The following FMN2 variants were observed in gnomAD, a reference collection of about 807,000 sequenced individuals.
The protein encoded by FMN2 is formin 2, also known as formin-2.
FMN2 carries 51 observed loss-of-function variants against 142.3 expected under a neutral mutation model. That is an observed-to-expected ratio of 0.36 (90% confidence interval 0.29 to 0.45). The LOEUF is 0.45. Ranked by LOEUF, FMN2 falls within the 20% of genes least tolerant of loss-of-function variation. The probability of loss-of-function intolerance (pLI) is 1.00; values close to 1 mark genes in which losing one functional copy is unlikely to be tolerated. For synonymous variants in FMN2, 882 were observed against 869.8 expected (o/e 1.01, Z -0.25); for missense variants, 1,936 against 2,122.8 (o/e 0.91, Z 1.73).
At chr1:240,172,977 C>T (rs1664769404) in intron 2 of FMN2, among the ~76,000 whole-genome samples, 1 of 151,540 alleles carries the variant, frequency 6.6e-6, no homozygotes, top group African/African-American at 2.4e-5. Flanking sequence ...GCTCTGTCGT[C>T]CAGGCTGGAG....
intron 6 of FMN2, among the ~76,000 whole-genome samples, chr1:240,237,010 A>G (rs1204974645): frequency 6.6e-6 from 1 of 152,228 alleles, no homozygotes; most frequent in Non-Finnish European, 1.5e-5. Context: ...AGCAAAGTCA[A>G]TATTGCTTCC....
At chr1:240,390,852 G>A (rs547101400) in intron 14 of FMN2, among the ~76,000 whole-genome samples, 2 of 152,160 alleles carry the variant, frequency 1.3e-5, no homozygotes, top group African/African-American at 2.4e-5. Context: ...TTCTAAAATA[G>A]TCTAGAAATT....
chr1:240,468,666 A>G (rs904843072), intron 16 of FMN2, among the ~76,000 whole-genome samples: 1 of 152,176 alleles, frequency 6.6e-6, no homozygotes, highest in African/African-American at 2.4e-5. Flanking sequence ...TTGTGACATG[A>G]CCATCTTTTT....
At chr1:240,464,184 T>G (rs1239532715) in intron 16 of FMN2, among the ~76,000 whole-genome samples, 1 of 152,066 alleles carries the variant, frequency 6.6e-6, no homozygotes, top group African/African-American at 2.4e-5. Flanking sequence ...TGTGTACAAT[T>G]TATTTGTTTT....
chr1:240,462,114 C>T (rs1390783294), intron 16 of FMN2, among the ~76,000 whole-genome samples: 1 of 152,164 alleles, frequency 6.6e-6, no homozygotes, highest in Non-Finnish European at 1.5e-5. Context: ...ATTGTAAATT[C>T]ATCTAGGTAT....
intron 2 of FMN2, chr1:240,170,266 C>G: frequency 8.4e-7 from 1 of 1,192,324 alleles, no homozygotes; most frequent in Non-Finnish European, 1.2e-6. Flanking sequence ...CCTAAAGGCT[C>G]GTGAAGTTTG....
chr1:240,321,778 C>A (rs540289246), intron 8 of FMN2, among the ~76,000 whole-genome samples: 4 of 152,222 alleles, frequency 2.6e-5, no homozygotes, highest in African/African-American at 7.2e-5. Flanking sequence ...ATAAACAGAA[C>A]TTCAAAAATG....
intron 8 of FMN2, among the ~76,000 whole-genome samples, chr1:240,316,317 T>C (rs1044744264): frequency 2.6e-5 from 4 of 152,120 alleles, no homozygotes; most frequent in Non-Finnish European, 2.9e-5. Flanking sequence ...TAAATGTTGG[T>C]CAATAATATG....
rs939835494 is a variant in FMN2 at position 240,116,212 on chromosome 1, A to C, written c.1616-6967A>C. On this transcript the variant is annotated intron_variant, in intron 1 of 17. Transcript: ENST00000319653. ...GTATCTCAGGAAAGCAGTCTTGTGG[A>C]GCTCCGCTCTGTCTTCAGAGGCTTC... Among the ~76,000 whole-genome samples, 27 of 152,232 alleles carry C rather than the reference A, an allele frequency of 1.8e-4. 1 individual carries two copies. Among genetic ancestry groups the C allele is most frequent in the Admixed American group, 1.6e-3 (24 of 15,296 alleles).
At chr1:240,129,692 G>A (rs1278321124) in intron 2 of FMN2, among the ~76,000 whole-genome samples, 1 of 151,820 alleles carries the variant, frequency 6.6e-6, no homozygotes, top group East Asian at 1.9e-4. Context: ...TAGTAGAGAT[G>A]GGGTTTGGCC....
intron 1 of FMN2, among the ~76,000 whole-genome samples, chr1:240,108,688 T>C (rs1410730154): frequency 2.0e-5 from 3 of 152,198 alleles, no homozygotes; most frequent in Admixed American, 1.3e-4. Flanking sequence ...GAAACCTGTG[T>C]TGACACCTTT....
At position 240,454,396 on chromosome 1, in the gene FMN2, G is replaced by C. The variant is rs1244521100; in HGVS notation, c.5060+16186G>C. Among the ~76,000 whole-genome samples, 5 of 152,232 alleles carry C rather than the reference G, an allele frequency of 3.3e-5. No homozygotes were observed. The East Asian group carries it at 9.7e-4, about 30-fold the overall frequency. On this transcript the variant is annotated intron_variant, in intron 16 of 17. Transcript: ENST00000319653. ...ATATCTACTAAAAATACAAAAATTT[G>C]CTGGGCATGATGGTACCCACTTGTA...
intron 4 of FMN2, among the ~76,000 whole-genome samples, chr1:240,188,966 C>G (rs1012752876): frequency 1.3e-5 from 2 of 152,060 alleles, no homozygotes; most frequent in Non-Finnish European, 2.9e-5. Context: ...CATTCACTAT[C>G]ATGAGAAGAG....
chr1:240,346,898 A>G (rs1671927374), intron 13 of FMN2, among the ~76,000 whole-genome samples: 1 of 152,208 alleles, frequency 6.6e-6, no homozygotes, highest in South Asian at 2.1e-4. Context: ...AAGACTTTAT[A>G]TATTTGCGCA....
intron 7 of FMN2, among the ~76,000 whole-genome samples, chr1:240,294,273 G>A (rs1039255063): frequency 6.6e-6 from 1 of 152,060 alleles, no homozygotes; most frequent in African/African-American, 2.4e-5. Flanking sequence ...TATATTTGAA[G>A]GATGGATTTT....
chr1:240,326,712 AT>A (rs11420131), intron 8 of FMN2, among the ~76,000 whole-genome samples: 192 of 147,550 alleles, frequency 1.3e-3, no homozygotes, highest in Middle Eastern at 3.5e-3. Flanking sequence ...AGCAAGCTGG[AT>A]TTTTTTTTTT....
intron 1 of FMN2, among the ~76,000 whole-genome samples, chr1:240,118,809 G>A (rs1045373928): frequency 4.6e-5 from 7 of 152,162 alleles, no homozygotes; most frequent in Non-Finnish European, 8.8e-5. Flanking sequence ...GAGGTGGAAC[G>A]TGGGGCAGTG....
intron 3 of FMN2, among the ~76,000 whole-genome samples, chr1:240,185,959 G>A (rs1438154857): frequency 6.6e-6 from 1 of 152,182 alleles, no homozygotes; most frequent in Non-Finnish European, 1.5e-5. Context: ...GCTAACTCTG[G>A]TGTTAAGTTC....
chr1:240,467,622 A>T (rs1339994504), intron 16 of FMN2, among the ~76,000 whole-genome samples: 1 of 152,158 alleles, frequency 6.6e-6, no homozygotes, highest in African/African-American at 2.4e-5. Context: ...ACTATTCAAA[A>T]TTGGTTATAC....
Sources: allele counts gnomAD v4.1 joint callset (sites outside exome capture counted in the v4.1 genomes callset), GRCh38; gene constraint gnomAD v4.1.1; transcripts MANE v1.5; gene names NCBI Gene and HGNC (gene_info 2026-07-23, HGNC 2026-07-21).